The following ROR1 variants were observed in gnomAD, a reference collection of about 807,000 sequenced individuals.
ROR1 encodes ROR family WNT receptor 1, also known as inactive tyrosine-protein kinase transmembrane receptor ROR1.
Under a neutral mutation model 78.8 loss-of-function variants are expected in ROR1, and 19 were observed. The observed-to-expected ratio is 0.24, with a 90% CI of 0.17 to 0.35. ROR1 has a LOEUF of 0.35. Ranked by LOEUF, ROR1 falls within the 10% of genes least tolerant of loss-of-function variation. ROR1 has a pLI of 1.00. For missense variants in ROR1, 917 were observed against 1,177.8 expected (o/e 0.78, Z 3.24); for synonymous variants, 386 against 433.6 (o/e 0.89, Z 1.36).
chr1:63,957,745 G>GA (rs550464064), intron 1 of ROR1, among the ~76,000 whole-genome samples: 7 of 136,570 alleles, frequency 5.1e-5, no homozygotes, highest in Admixed American at 4.4e-4. Context: ...TTTGTTTTTT[G>GA]TTTTTTTTTT....
At chr1:64,024,247 G>A (rs1260666869) in intron 2 of ROR1, among the ~76,000 whole-genome samples, 2 of 152,286 alleles carry the variant, frequency 1.3e-5, no homozygotes, top group Admixed American at 1.3e-4. Flanking sequence ...TTGAGAGGCT[G>A]AGGCAAATGG....
intron 1 of ROR1, among the ~76,000 whole-genome samples, chr1:63,850,467 C>T (rs938613998): frequency 4.6e-5 from 7 of 152,244 alleles, no homozygotes; most frequent in Non-Finnish European, 1.5e-5. Flanking sequence ...TATGCCAGTG[C>T]GAGCTCCTTC....
chr1:64,018,789 G>T (rs1283272475), intron 2 of ROR1, among the ~76,000 whole-genome samples: 1 of 152,182 alleles, frequency 6.6e-6, no homozygotes, highest in Non-Finnish European at 1.5e-5. Context: ...AGAGAGAAAT[G>T]AATGAGTGGT....
At chr1:63,857,709 G>A (rs1470384294) in intron 1 of ROR1, among the ~76,000 whole-genome samples, 2 of 152,182 alleles carry the variant, frequency 1.3e-5, no homozygotes, top group Non-Finnish European at 2.9e-5. Context: ...TAGAGTTATG[G>A]TCAAGTGCAA....
intron 1 of ROR1, among the ~76,000 whole-genome samples, chr1:63,984,090 T>C (rs1356209665): frequency 2.0e-5 from 3 of 152,196 alleles, no homozygotes; most frequent in African/African-American, 7.2e-5. Context: ...AACATGCCTT[T>C]CCTAGTTTTG....
chr1:63,948,541 A>G (rs1374820846), intron 1 of ROR1, among the ~76,000 whole-genome samples: 1 of 152,154 alleles, frequency 6.6e-6, no homozygotes, highest in Non-Finnish European at 1.5e-5. Context: ...AATGCCTAGT[A>G]GATGTTCAGT....
intron 1 of ROR1, chr1:63,843,545 G>A (rs1645062489): frequency 1.4e-6 from 1 of 738,198 alleles, no homozygotes; most frequent in Admixed American, 1.8e-5. Context: ...TCTCCTCCAG[G>A]ATGATGTTCT....
Position 64,128,777 on chromosome 1 carries a change from A to T in ROR1, c.483-8592A>T, listed in dbSNP as rs1400915247. 1.3e-5 allele frequency among the ~76,000 whole-genome samples: 2 copies of T among 152,260 alleles called. 1 individual carries two copies. The highest frequency in any genetic ancestry group is 4.1e-4 in the South Asian group (2 of 4,826). ...AGTATGCCTGATGAGACTAAATATT[A>T]ACACAAGAGGTAATAATCAAGTAAG... On this transcript the variant is annotated intron_variant, in intron 4 of 8. Transcript: ENST00000371079.
At chr1:64,027,575 C>G (rs1646623875) in intron 2 of ROR1, among the ~76,000 whole-genome samples, 1 of 152,162 alleles carries the variant, frequency 6.6e-6, no homozygotes, top group African/African-American at 2.4e-5. Flanking sequence ...TGTCCCAGCA[C>G]TCACTAGAAG....
intron 1 of ROR1, among the ~76,000 whole-genome samples, chr1:64,005,630 A>T (rs1646421566): frequency 6.6e-6 from 1 of 152,148 alleles, no homozygotes; most frequent in African/African-American, 2.4e-5. Flanking sequence ...CATGGAATTG[A>T]TGGAGTTCAG....
chr1:63,833,250 G>C (rs1350015948), intron 1 of ROR1, among the ~76,000 whole-genome samples: 1 of 152,162 alleles, frequency 6.6e-6, no homozygotes, highest in Non-Finnish European at 1.5e-5. Context: ...GGGATCCCTA[G>C]TTACAATGTT....
chr1:63,853,838 A>G (rs1233577460), intron 1 of ROR1, among the ~76,000 whole-genome samples: 1 of 152,088 alleles, frequency 6.6e-6, no homozygotes, highest in Non-Finnish European at 1.5e-5. Context: ...ATCCAAATAT[A>G]CCTCTCCTGT....
At chr1:63,948,259 C>T (rs924708862) in intron 1 of ROR1, among the ~76,000 whole-genome samples, 1 of 151,464 alleles carries the variant, frequency 6.6e-6, no homozygotes, top group Non-Finnish European at 1.5e-5. Context: ...ACAATAGATA[C>T]TATAATAGTA....
At chr1:63,814,813 C>G (rs190858294) in intron 1 of ROR1, among the ~76,000 whole-genome samples, 4 of 152,278 alleles carry the variant, frequency 2.6e-5, no homozygotes, top group African/African-American at 7.2e-5. Context: ...GCCCACAGCT[C>G]TCCTCCTGCT....
At chr1:63,866,608 CT>C (rs968633895) in intron 1 of ROR1, among the ~76,000 whole-genome samples, 2 of 150,590 alleles carry the variant, frequency 1.3e-5, no homozygotes, top group Non-Finnish European at 1.5e-5. Flanking sequence ...GGGACCTAGC[CT>C]TTTTTTTTGG....
intron 4 of ROR1, among the ~76,000 whole-genome samples, chr1:64,092,115 CCCTCCCTT>C (rs1335522946): frequency 5.7e-5 from 8 of 141,414 alleles, no homozygotes; most frequent in Non-Finnish European, 1.5e-5. Flanking sequence ...CTCCCTCCCT[CCCTCCCTT>C]CCTCCCTGCA....
chr1:63,972,763 A>T (rs1646128760), intron 1 of ROR1, among the ~76,000 whole-genome samples: 2 of 152,232 alleles, frequency 1.3e-5, no homozygotes, highest in African/African-American at 4.8e-5. Context: ...AAGCGACCAC[A>T]ACTTAATTCC....
chr1:63,964,584 CA>C (rs1487733655), intron 1 of ROR1, among the ~76,000 whole-genome samples: 1 of 152,204 alleles, frequency 6.6e-6, no homozygotes, highest in Non-Finnish European at 1.5e-5. Context: ...TCGGAGCTTA[CA>C]GTTGATCTTC....
Position 63,911,278 on chromosome 1 carries a change from T to C in ROR1, c.92-98027T>C, listed in dbSNP as rs116744904. 1.8e-3 allele frequency among the ~76,000 whole-genome samples: 273 copies of C among 152,248 alleles called. 2 individuals carry two copies. Among genetic ancestry groups the C allele is most frequent in the African/African-American group, 6.3e-3 (260 of 41,548 alleles). ...CTCATCTGTAAAATGGGCATAACAA[T>C]GACCACCTCTTACAGTTGTTGTTCT... On this transcript the variant is annotated intron_variant, in intron 1 of 8. Transcript: ENST00000371079.
Sources: allele counts gnomAD v4.1 joint callset (sites outside exome capture counted in the v4.1 genomes callset), GRCh38; gene constraint gnomAD v4.1.1; transcripts MANE v1.5; gene names NCBI Gene and HGNC (gene_info 2026-07-23, HGNC 2026-07-21).